WIF1: variants seen among roughly 807,000 people sequenced by gnomAD.
The protein encoded by WIF1 is Wnt inhibitory factor 1.
WIF1 carries 35 observed loss-of-function variants against 53.5 expected under a neutral mutation model. The observed-to-expected ratio is 0.65, with a 90% CI of 0.50 to 0.87. WIF1 has a LOEUF of 0.87. WIF1 is among the 40% of genes least tolerant of loss of function. WIF1 has a pLI of 0.00. For synonymous variants in WIF1, 171 were observed against 170.4 expected, an observed-to-expected ratio of 1.00 and a Z score of -0.03; for missense variants, 467 against 476.8, an observed-to-expected ratio of 0.98 and a Z score of 0.19.
chr12:65,067,817 A>T (rs371622903), intron 4 of WIF1, 27 bp from the exon 5 acceptor site: 2 of 1,601,366 alleles, frequency 1.2e-6, no homozygotes, highest in Non-Finnish European at 1.7e-6. Context: ...CAAAGCTTAT[A>T]TGGACACCCT....
At chr12:65,104,996 G>A (rs1004976773) in intron 2 of WIF1, among the ~76,000 whole-genome samples, 2 of 152,190 alleles carry the variant, frequency 1.3e-5, no homozygotes, top group Admixed American at 6.5e-5. Context: ...ATTTAAAGGG[G>A]ATGGGAGCTG....
At position 65,064,557 on chromosome 12, in the gene WIF1, A is replaced by G. The variant is rs370805876; in HGVS notation, c.731-1981T>C. ...AGAGCCTCCACATATTCCCTCCTGG[A>G]GAATTAAAGCATCTTTTTGTTGAGG... On this transcript the variant is annotated intron_variant, in intron 6 of 9. Transcript: ENST00000286574. Among the ~76,000 whole-genome samples, 8 of 152,144 alleles carry G rather than the reference A, an allele frequency of 5.3e-5. No individual in the cohort carries two copies. In the East Asian group the frequency reaches 9.6e-4, roughly 18 times the overall value.
At chr12:65,106,371 A>T (rs938219444) in intron 2 of WIF1, among the ~76,000 whole-genome samples, 39 of 139,734 alleles carry the variant, frequency 2.8e-4, no homozygotes, top group South Asian at 9.2e-4. Flanking sequence ...ATATATATAT[A>T]TATTTTTTTT....
chr12:65,102,634 T>C (rs1400573962), intron 2 of WIF1, among the ~76,000 whole-genome samples: 1 of 152,176 alleles, frequency 6.6e-6, no homozygotes, highest in Non-Finnish European at 1.5e-5. Context: ...AGTTGACACA[T>C]AAAATTAACA....
At chr12:65,118,360 A>C (rs1475035453) in intron 2 of WIF1, among the ~76,000 whole-genome samples, 2 of 152,228 alleles carry the variant, frequency 1.3e-5, no homozygotes, top group African/African-American at 2.4e-5. Context: ...CTGGGATCAC[A>C]TAACTTTAGT....
intron 2 of WIF1, among the ~76,000 whole-genome samples, chr12:65,117,490 CT>C (rs1349687218): frequency 6.6e-6 from 1 of 152,084 alleles, no homozygotes; most frequent in African/African-American, 2.4e-5. Context: ...GGTCCCCCAC[CT>C]TTTGGGCACC....
rs762917365 is a variant in WIF1 at position 65,121,230 on chromosome 12, T to C, written c.-39A>G. ...TCCTCGCTGCCGGGAAAACTCCTCG[T>C]GCCGCACCTACGCAACCTGGCGCCG... On this transcript the variant is annotated 5_prime_UTR_variant, in exon 1 of 10. Coordinates refer to ENST00000286574, the MANE Select transcript of WIF1 (RefSeq NM_007191.5). 7.1e-7 allele frequency: 1 copy of C among 1,409,380 alleles called. No homozygotes were observed. The highest frequency in any genetic ancestry group is 9.3e-7 in the Non-Finnish European group (1 of 1,071,334). 87.3% of individuals were successfully genotyped at this position (1,409,380 alleles called of 1,614,324 possible). A position where few individuals can be genotyped will look rare whatever the true frequency, so the allele number is the denominator to read the frequency against.
At chr12:65,099,437 T>G (rs1481344700) in intron 2 of WIF1, among the ~76,000 whole-genome samples, 2 of 152,236 alleles carry the variant, frequency 1.3e-5, no homozygotes, top group African/African-American at 4.8e-5. Flanking sequence ...GAAGATGCTC[T>G]GCAGCAGAGA....
At chr12:65,079,625 C>CAAAA (rs56249618) in intron 2 of WIF1, among the ~76,000 whole-genome samples, 16 of 67,162 alleles carry the variant, frequency 2.4e-4, no homozygotes, top group African/African-American at 6.8e-4. Flanking sequence ...GACTCTGTCT[C>CAAAA]AAAAAAAAAA....
At chr12:65,114,730 A>T (rs1883483751) in intron 2 of WIF1, among the ~76,000 whole-genome samples, 1 of 152,194 alleles carries the variant, frequency 6.6e-6, no homozygotes, top group African/African-American at 2.4e-5. Flanking sequence ...AAACAAACAC[A>T]TTCCTACAGT....
intron 1 of WIF1, among the ~76,000 whole-genome samples, chr12:65,120,841 CA>C (rs1378145898): frequency 6.6e-6 from 1 of 152,142 alleles, no homozygotes; most frequent in Non-Finnish European, 1.5e-5. Flanking sequence ...TTAACAACAG[CA>C]TGATCAGAAC....
chr12:65,100,651 G>A (rs186359090), intron 2 of WIF1, among the ~76,000 whole-genome samples: 20 of 152,108 alleles, frequency 1.3e-4, no homozygotes, highest in Middle Eastern at 3.4e-3. Context: ...AAAGTTTTAC[G>A]CATCAAGTTG....
intron 2 of WIF1, among the ~76,000 whole-genome samples, chr12:65,105,250 A>G (rs1883336042): frequency 6.6e-6 from 1 of 152,080 alleles, no homozygotes. Context: ...CTAGGAAATA[A>G]GGGGGAAGGA....
intron 2 of WIF1, chr12:65,083,884 G>A (rs1035213164): frequency 3.7e-5 from 8 of 218,784 alleles, no homozygotes; most frequent in Admixed American, 3.5e-4. Context: ...TCTTGCCCAG[G>A]CTGGGATGCA....
At chr12:65,059,285 G>T (rs1004333191) in intron 7 of WIF1, among the ~76,000 whole-genome samples, 3 of 152,044 alleles carry the variant, frequency 2.0e-5, no homozygotes, top group African/African-American at 4.8e-5. Flanking sequence ...CAGATAAAAG[G>T]GTTTTTAAGT....
rs1882424723 is a variant in WIF1 at position 65,050,628 on chromosome 12, A to G, written c.*721T>C. On this transcript the variant is annotated 3_prime_UTR_variant, in exon 10 of 10. Transcript: ENST00000286574. The stretch of plus-strand genomic sequence containing the variant: ...CAAAGATCACCTCCACACAATGCTC[A>G]GAAAACTAAAGCAGCACCTTTATTT... 5.7e-6 allele frequency: 1 copy of G among 175,696 alleles called. No homozygotes were observed. Among genetic ancestry groups the G allele is most frequent in the Non-Finnish European group, 1.2e-5 (1 of 81,400 alleles). The allele number at this position is 175,696 out of a possible 1,614,324, so 10.9% of individuals were successfully genotyped here. A position where few individuals can be genotyped will look rare whatever the true frequency, so the allele number is the denominator to read the frequency against.
chr12:65,089,903 A>AT (rs1338464398), intron 2 of WIF1, among the ~76,000 whole-genome samples: 1 of 151,584 alleles, frequency 6.6e-6, no homozygotes, highest in East Asian at 1.9e-4. Context: ...ATTGGAAGGG[A>AT]TTTTTTCTCT....
At chr12:65,095,795 A>G (rs1003235873) in intron 2 of WIF1, 3 of 152,176 alleles carry the variant, frequency 2.0e-5, no homozygotes, top group Admixed American at 2.0e-4. Flanking sequence ...CGATACAGAG[A>G]AGGTTAGCAT....
In WIF1 at chr12:65,118,172, C is replaced by T. The variant is rs542721457; in HGVS notation, c.288+2245G>A. Among the ~76,000 whole-genome samples the T allele has an allele frequency of 1.1e-4, 16 of 152,186 alleles. 1 individual carries two copies. The South Asian group carries it at 2.1e-3, about 20-fold the overall frequency. ...GTTTTGTTTATGTATTGTTGAAATG[C>T]CTAAATATTTGATATCATTTGGATG... On this transcript the variant is annotated intron_variant, in intron 2 of 9. Transcript: ENST00000286574.
Sources: gnomAD v4.1 joint callset for allele counts (sites outside exome capture counted in the v4.1 genomes callset) on GRCh38, gnomAD v4.1.1 for gene constraint, MANE v1.5 for transcripts, NCBI Gene and HGNC (gene_info 2026-07-23, HGNC 2026-07-21) for gene names.